RFX3: variants seen among roughly 807,000 people sequenced by gnomAD.
RFX3 encodes the protein transcription factor RFX3.
RFX3 carries 14 observed loss-of-function variants against 98.6 expected under a neutral mutation model. The observed-to-expected ratio is 0.14, with a 90% confidence interval of 0.09 to 0.22. The LOEUF is 0.22. Ranked by LOEUF, RFX3 falls within the 10% of genes least tolerant of loss-of-function variation. RFX3 has a pLI of 1.00. For missense variants in RFX3, 639 were observed against 926.9 expected (o/e 0.69, Z 4.03); for synonymous variants, 383 against 328.4 (o/e 1.17, Z -1.80).
At chr9:3,361,938 C>A (rs562371664) in intron 2 of RFX3, among the ~76,000 whole-genome samples, 2 of 152,064 alleles carry the variant, frequency 1.3e-5, no homozygotes, top group Non-Finnish European at 2.9e-5. Flanking sequence ...CAGAGCAAGA[C>A]CCTGTCTCAA....
intron 1 of RFX3, among the ~76,000 whole-genome samples, chr9:3,458,236 CATAGA>C (rs1847368282): frequency 6.6e-6 from 1 of 152,054 alleles, no homozygotes; most frequent in Admixed American, 6.6e-5. Flanking sequence ...GTCACCAATA[CATAGA>C]ATAAATAAAA....
At chr9:3,463,029 T>C (rs1018007193) in intron 1 of RFX3, among the ~76,000 whole-genome samples, 19 of 151,988 alleles carry the variant, frequency 1.3e-4, no homozygotes, top group African/African-American at 4.3e-4. Context: ...CCAATCAAAA[T>C]CCCAGTAGGC....
chr9:3,467,275 C>CAT (rs961030348), intron 1 of RFX3, among the ~76,000 whole-genome samples: 4 of 142,776 alleles, frequency 2.8e-5, no homozygotes, highest in Non-Finnish European at 3.0e-5. Flanking sequence ...TACATACATA[C>CAT]ATATATATAC....
chr9:3,497,593 T>C (rs1188739093), intron 1 of RFX3, among the ~76,000 whole-genome samples: 1 of 151,876 alleles, frequency 6.6e-6, no homozygotes, highest in Non-Finnish European at 1.5e-5. Context: ...TGATATCAGA[T>C]GGGTGTATAA....
At chr9:3,300,878 A>C (rs1828567776) in intron 5 of RFX3, among the ~76,000 whole-genome samples, 1 of 151,884 alleles carries the variant, frequency 6.6e-6, no homozygotes, top group South Asian at 2.1e-4. Flanking sequence ...CCCTTCTTAC[A>C]CTTACCAGTG....
At chr9:3,421,759 C>T (rs184603593) in intron 1 of RFX3, among the ~76,000 whole-genome samples, 133 of 152,282 alleles carry the variant, frequency 8.7e-4, no homozygotes, top group Non-Finnish European at 1.6e-3. Context: ...CCCTCATAGA[C>T]GAATGCTGGC....
intron 1 of RFX3, among the ~76,000 whole-genome samples, chr9:3,467,196 AATG>A (rs1564139380): frequency 2.9e-5 from 4 of 140,262 alleles, no homozygotes; most frequent in Non-Finnish European, 4.5e-5. Context: ...ATACATATAT[AATG>A]TATGTGTATA....
intron 2 of RFX3, among the ~76,000 whole-genome samples, chr9:3,392,247 G>A (rs903093843): frequency 6.6e-6 from 1 of 151,766 alleles, no homozygotes; most frequent in African/African-American, 2.4e-5. Flanking sequence ...CTTTTAACAT[G>A]AAAGACAGAG....
chr9:3,262,847 C>G, intron 13 of RFX3, 88 bp downstream of exon 13: 1 of 1,385,972 alleles, frequency 7.2e-7, no homozygotes, highest in Non-Finnish European at 1.0e-6. Context: ...ATAGATGAGA[C>G]TTTGAAAAGA....
At chr9:3,277,314 C>T (rs751957551) in intron 8 of RFX3, 26 bp downstream of exon 8, 1 of 1,608,914 alleles carries the variant, frequency 6.2e-7, no homozygotes, top group Non-Finnish European at 8.5e-7. Flanking sequence ...CTAGTAGCAA[C>T]TAATATGCAT....
chr9:3,457,664 C>G (rs1390899510), intron 1 of RFX3, among the ~76,000 whole-genome samples: 2 of 152,070 alleles, frequency 1.3e-5, no homozygotes, highest in Non-Finnish European at 2.9e-5. Flanking sequence ...ATGCCATTCT[C>G]TCAGTTTTAT....
chr9:3,319,428 T>A (rs549544519), intron 4 of RFX3, among the ~76,000 whole-genome samples: 2 of 152,228 alleles, frequency 1.3e-5, no homozygotes, highest in African/African-American at 4.8e-5. Flanking sequence ...GTAACGGACA[T>A]TCCCACAATG....
At chr9:3,351,742 TGAAAA>T (rs1835160761) in intron 2 of RFX3, among the ~76,000 whole-genome samples, 1 of 151,890 alleles carries the variant, frequency 6.6e-6, no homozygotes, top group Non-Finnish European at 1.5e-5. Context: ...TAACTTCAAA[TGAAAA>T]GAAAACTACT....
intron 12 of RFX3, among the ~76,000 whole-genome samples, 188 bp downstream of exon 12, chr9:3,266,020 T>C (rs1378884442): frequency 6.6e-6 from 1 of 152,096 alleles, no homozygotes. Context: ...AGGAACATTG[T>C]CAAACATCTC....
chr9:3,358,646 C>A (rs777632076), intron 2 of RFX3, among the ~76,000 whole-genome samples: 1 of 152,022 alleles, frequency 6.6e-6, no homozygotes, highest in African/African-American at 2.4e-5. Context: ...CATATTTTGG[C>A]GGTAACACCA....
chr9:3,305,390 T>C (rs189334053), intron 4 of RFX3, among the ~76,000 whole-genome samples: 5 of 152,112 alleles, frequency 3.3e-5, no homozygotes, highest in African/African-American at 1.2e-4. Flanking sequence ...AATGGGGCCA[T>C]GCTAGTAGTA....
chr9:3,230,926 T>C (rs1818367568), intron 15 of RFX3, among the ~76,000 whole-genome samples: 1 of 152,222 alleles, frequency 6.6e-6, no homozygotes, highest in South Asian at 2.1e-4. Context: ...TTGCATTTAG[T>C]TGCTACTTAA....
intron 15 of RFX3, among the ~76,000 whole-genome samples, chr9:3,242,236 G>C (rs488534): frequency 6.6e-6 from 1 of 152,120 alleles, no homozygotes; most frequent in African/African-American, 2.4e-5. Flanking sequence ...GTTTCAATCA[G>C]TATCAAATAA....
At chr9:3,366,704 TTC>T (rs967646625) in intron 2 of RFX3, among the ~76,000 whole-genome samples, 1 of 118,036 alleles carries the variant, frequency 8.5e-6, no homozygotes, top group Admixed American at 8.6e-5. Flanking sequence ...CTTTCTTTCT[TTC>T]TTTCTTTCTT....
Sources: allele counts gnomAD v4.1 joint callset (sites outside exome capture counted in the v4.1 genomes callset), GRCh38; gene constraint gnomAD v4.1.1; transcripts MANE v1.5; gene names NCBI Gene and HGNC (gene_info 2026-07-23, HGNC 2026-07-21).